Variants in EIPR1 observed in about 807,000 individuals in gnomAD.
EIPR1 encodes the protein EARP complex and GARP complex interacting protein 1.
A neutral mutation model predicts 48.1 loss-of-function variants in EIPR1; 25 were observed. The ratio of observed to expected loss-of-function variants is 0.52; its 90% CI spans 0.38 to 0.73. EIPR1 has a LOEUF of 0.73. EIPR1 is among the 30% of genes least tolerant of loss of function. The probability of loss-of-function intolerance (pLI) is 0.00; values close to 1 mark genes in which losing one functional copy is unlikely to be tolerated. For missense variants in EIPR1, 415 were observed against 506.2 expected, an observed-to-expected ratio of 0.82 and a Z score of 1.73; for synonymous variants, 204 against 201.9, an observed-to-expected ratio of 1.01 and a Z score of -0.09.
At chr2:3,252,183 T>A (rs529419232) in intron 4 of EIPR1, among the ~76,000 whole-genome samples, 41 of 152,302 alleles carry the variant, frequency 2.7e-4, no homozygotes, top group African/African-American at 9.9e-4. Flanking sequence ...GGACACAGCC[T>A]CGGACCTGAC....
chr2:3,190,614 C>A lies in EIPR1; in HGVS notation c.990-1106G>T, dbSNP rs141818033. 6.3e-3 allele frequency among the ~76,000 whole-genome samples: 957 copies of A among 152,270 alleles called. 8 individuals are homozygous for A. Among genetic ancestry groups the A allele is most frequent in the Admixed American group, 9.5e-3 (146 of 15,294 alleles). The stretch of plus-strand genomic sequence containing the variant: ...ATTGCCGCCCAGAAGACAACGCCAG[C>A]AGTCTTCCGACCAACGGGCCCATCA... On this transcript the variant is annotated intron_variant, in intron 8 of 8. Transcript: ENST00000382125.
At chr2:3,192,304 C>T in intron 8 of EIPR1, 110 bp downstream of exon 8, 2 of 1,307,178 alleles carry the variant, frequency 1.5e-6, no homozygotes, top group South Asian at 3.4e-5. Context: ...GAGAGTGTCC[C>T]CCAAATGCAC....
Position 3,313,144 on chromosome 2 carries a change from G to A in EIPR1, c.259+24873C>T, listed in dbSNP as rs117807984. On this transcript the variant is annotated intron_variant, in intron 3 of 8. Coordinates refer to ENST00000382125, the MANE Select transcript of EIPR1 (RefSeq NM_003310.5). Reference sequence around the variant, plus strand: ...TCAGAGTCCACAGTGCCAAAGCTGCGATGAGGGCTGCACTTCTTCCCACTG... The same window carrying A: ...TCAGAGTCCACAGTGCCAAAGCTGCAATGAGGGCTGCACTTCTTCCCACTG... Among the ~76,000 whole-genome samples the A allele has an allele frequency of 1.1e-4, 16 of 152,272 alleles. No individual in the cohort carries two copies. The East Asian group carries it at 3.1e-3, about 29-fold the overall frequency.
intron 3 of EIPR1, among the ~76,000 whole-genome samples, chr2:3,285,662 C>T (rs2103265968): frequency 6.6e-6 from 1 of 150,684 alleles, no homozygotes; most frequent in African/African-American, 2.4e-5. Context: ...TCACCGATGT[C>T]TCCGGGACCC....
chr2:3,328,175 C>T (rs1177292350), intron 3 of EIPR1, among the ~76,000 whole-genome samples: 1 of 152,216 alleles, frequency 6.6e-6, no homozygotes, highest in East Asian at 1.9e-4. Flanking sequence ...AACATCCGTG[C>T]TCACACCTGT....
chr2:3,363,140 C>T (rs958102636), intron 1 of EIPR1, among the ~76,000 whole-genome samples: 37 of 151,894 alleles, frequency 2.4e-4, no homozygotes, highest in Admixed American at 2.2e-3. Context: ...CGATGGGGGC[C>T]GGGCCCAGCT....
rs1666383959 is a variant in EIPR1 at position 3,235,646 on chromosome 2, A to G, written c.417-21398T>C. Among the ~76,000 whole-genome samples the G allele has an allele frequency of 2.6e-5, 4 of 152,342 alleles. No individual in the cohort carries two copies. In the South Asian group the frequency reaches 8.3e-4, roughly 32 times the overall value. ...AGAAGTCTCAAATGAACTTAATTCA[A>G]CTCTAAGTTTTTGCCAAACTTATTT... is the stretch of plus-strand genomic sequence containing the variant. On this transcript the variant is annotated intron_variant, in intron 4 of 8. Coordinates refer to ENST00000382125, the MANE Select transcript of EIPR1 (RefSeq NM_003310.5).
intron 3 of EIPR1, among the ~76,000 whole-genome samples, chr2:3,303,358 C>A (rs933437749): frequency 6.6e-6 from 1 of 152,198 alleles, no homozygotes; most frequent in Non-Finnish European, 1.5e-5. Flanking sequence ...GGAGTCTCTG[C>A]GGCCCCCATC....
chr2:3,298,848 G>A (rs1225659764), intron 3 of EIPR1, among the ~76,000 whole-genome samples: 1 of 152,132 alleles, frequency 6.6e-6, no homozygotes, highest in Non-Finnish European at 1.5e-5. Flanking sequence ...AATGCTTCCT[G>A]GGAGAAGACA....
chr2:3,377,539 C>T, intron 1 of EIPR1, 109 bp downstream of exon 1: 1 of 1,375,886 alleles, frequency 7.3e-7, no homozygotes, highest in Non-Finnish European at 1.0e-6. Flanking sequence ...GGAACAGACA[C>T]GGGTCCTTGC....
chr2:3,276,406 A>G (rs900164157), intron 3 of EIPR1, among the ~76,000 whole-genome samples: 1 of 152,196 alleles, frequency 6.6e-6, no homozygotes, highest in African/African-American at 2.4e-5. Context: ...TTGCTTTTAT[A>G]ATTTTTTCTT....
intron 1 of EIPR1, among the ~76,000 whole-genome samples, chr2:3,373,803 C>T (rs1659774386): frequency 1.3e-5 from 2 of 151,306 alleles, no homozygotes; most frequent in African/African-American, 4.8e-5. Flanking sequence ...GCCATACTGC[C>T]CAAGGTAATT....
At position 3,305,323 on chromosome 2, in the gene EIPR1, G is replaced by A. The variant is rs537568048; in HGVS notation, c.259+32694C>T. On this transcript the variant is annotated intron_variant, in intron 3 of 8. Transcript: ENST00000382125. Reference sequence around the variant, plus strand: ...CCGTCCAGTTCAACCCTCCACTCCCGTCCAGTTCAGCCCTCCACTTCCATC... The same window carrying A: ...CCGTCCAGTTCAACCCTCCACTCCCATCCAGTTCAGCCCTCCACTTCCATC... 1.4e-3 allele frequency among the ~76,000 whole-genome samples: 188 copies of A among 132,180 alleles called. 5 individuals carry two copies. The highest frequency in any genetic ancestry group is 5.2e-3 in the African/African-American group (173 of 33,492). 86.7% of individuals were successfully genotyped at this position (132,180 alleles called of 152,430 possible).
At chr2:3,325,560 C>T (rs189303858) in intron 3 of EIPR1, among the ~76,000 whole-genome samples, 7 of 152,218 alleles carry the variant, frequency 4.6e-5, no homozygotes, top group East Asian at 3.9e-4. Context: ...TCCCAACCCC[C>T]GAAAACAGAG....
intron 3 of EIPR1, among the ~76,000 whole-genome samples, chr2:3,264,058 G>A (rs1667415089): frequency 6.6e-6 from 1 of 152,098 alleles, no homozygotes; most frequent in Non-Finnish European, 1.5e-5. Flanking sequence ...GTTACTAACT[G>A]TGGTCAGCAA....
chr2:3,279,925 C>T (rs1018419212), intron 3 of EIPR1, among the ~76,000 whole-genome samples: 2 of 152,248 alleles, frequency 1.3e-5, no homozygotes, highest in Non-Finnish European at 2.9e-5. Context: ...TCTTACTAGT[C>T]ACCGCAGCGC....
chr2:3,199,561 G>A lies in EIPR1; in HGVS notation c.517-2544C>T, dbSNP rs1417108639. On this transcript the variant is annotated intron_variant, in intron 5 of 8. Transcript: ENST00000382125. ...GTGAGAAGAGGTCAAGAGAAGGTGG[G>A]GACACAAGAGACCCACTGGGGGGAC... Among the ~76,000 whole-genome samples the A allele has an allele frequency of 2.0e-5, 3 of 152,218 alleles. No homozygotes were observed. The East Asian group carries it at 5.8e-4, about 29-fold the overall frequency.
At position 3,377,790 on chromosome 2, in the gene EIPR1, T is replaced by TC; in HGVS notation, c.-102dup. 8.0e-7 allele frequency: 1 copy of TC among 1,249,886 alleles called. No individual in the cohort carries two copies. The highest frequency in any genetic ancestry group is 1.1e-6 in the Non-Finnish European group (1 of 892,884). The allele number at this position is 1,249,886 out of a possible 1,614,324, so 77.4% of individuals were successfully genotyped here. On this transcript the variant is annotated 5_prime_UTR_variant, in exon 1 of 9. Transcript: ENST00000382125. ...GGGCGTGTTCCCAGCGCCCATTCATTCCCTCCCCGCAGCAAACGACTCCAA... is the reference window on the plus strand; with the variant it reads ...GGGCGTGTTCCCAGCGCCCATTCATTCCCCTCCCCGCAGCAAACGACTCCAA...
chr2:3,204,956 A>C (rs894244646), intron 5 of EIPR1, among the ~76,000 whole-genome samples: 3 of 152,024 alleles, frequency 2.0e-5, no homozygotes, highest in Non-Finnish European at 4.4e-5. Context: ...TGCAGGCCGC[A>C]CTCACAGCAG....
Sources: allele counts gnomAD v4.1 joint callset (sites outside exome capture counted in the v4.1 genomes callset), GRCh38; gene constraint gnomAD v4.1.1; transcripts MANE v1.5; gene names NCBI Gene and HGNC (gene_info 2026-07-23, HGNC 2026-07-21).